CDH4: variants seen among roughly 807,000 people sequenced by gnomAD.
CDH4 encodes cadherin 4, also known as cadherin-4.
Under a neutral mutation model 86.0 loss-of-function variants are expected in CDH4, and 33 were observed. The ratio of observed to expected loss-of-function variants is 0.38; its 90% CI spans 0.29 to 0.51. The LOEUF is 0.51. Ranked by LOEUF, CDH4 falls within the 20% of genes least tolerant of loss-of-function variation. CDH4 has a pLI of 0.86. For missense variants in CDH4, 1,114 were observed against 1,307.4 expected (o/e 0.85, Z 2.28); for synonymous variants, 555 against 549.4 (o/e 1.01, Z -0.14).
chr20:61,484,108 G>A (rs1446370347), intron 2 of CDH4, among the ~76,000 whole-genome samples: 1 of 151,976 alleles, frequency 6.6e-6, no homozygotes, highest in Non-Finnish European at 1.5e-5. Context: ...AGTTGGCCAG[G>A]CTTCAGCAGA....
chr20:61,732,034 C>T (rs1316187330), intron 2 of CDH4, among the ~76,000 whole-genome samples: 1 of 152,236 alleles, frequency 6.6e-6, no homozygotes, highest in East Asian at 1.9e-4. Context: ...TCTGTCCTCT[C>T]TCTCCCTCCT....
intron 2 of CDH4, among the ~76,000 whole-genome samples, chr20:61,334,249 C>T (rs552139676): frequency 6.6e-6 from 1 of 152,330 alleles, no homozygotes; most frequent in African/African-American, 2.4e-5. Flanking sequence ...TGAAATGAGG[C>T]TCATGGAGTA....
chr20:61,346,047 T>C (rs1263133390), intron 2 of CDH4, among the ~76,000 whole-genome samples: 1 of 152,212 alleles, frequency 6.6e-6, no homozygotes, highest in Non-Finnish European at 1.5e-5. Context: ...GTGAGCAGAA[T>C]AAATGCTCAC....
rs1348752049 is a variant in CDH4, at chr20:61,684,109, G to A, written c.170-59454G>A. Among the ~76,000 whole-genome samples the A allele has an allele frequency of 2.0e-5, 3 of 152,346 alleles. No homozygotes were observed. Among genetic ancestry groups the A allele is most frequent in the East Asian group, 3.9e-4 (2 of 5,188 alleles). On this transcript the variant is annotated intron_variant, in intron 2 of 15. Coordinates refer to ENST00000614565, the MANE Select transcript of CDH4 (RefSeq NM_001794.5). The surrounding 1 kb of genome is among the most constrained non-coding windows in gnomAD (Gnocchi z 4.5). Reference sequence around the variant, plus strand: ...AACAGGGTTGGCTGATACCTACTGTGTAGCAGGGATTGCAGTGGCATCGGA... The same window carrying A: ...AACAGGGTTGGCTGATACCTACTGTATAGCAGGGATTGCAGTGGCATCGGA...
At chr20:61,362,384 G>T (rs1323162422) in intron 2 of CDH4, among the ~76,000 whole-genome samples, 1 of 151,854 alleles carries the variant, frequency 6.6e-6, no homozygotes, top group African/African-American at 2.4e-5. Flanking sequence ...GCAGGGCAGA[G>T]ATGTGGCCTA....
intron 2 of CDH4, among the ~76,000 whole-genome samples, chr20:61,385,382 T>A (rs897990699): frequency 6.6e-6 from 1 of 151,972 alleles, no homozygotes; most frequent in African/African-American, 2.4e-5. Context: ...AGATGAACGC[T>A]CAGATCAGGA....
chr20:61,583,646 T>C (rs757928405), intron 2 of CDH4, among the ~76,000 whole-genome samples: 20 of 152,192 alleles, frequency 1.3e-4, no homozygotes, highest in Admixed American at 6.5e-5. Context: ...CTGATCTCTC[T>C]CCACTTTCCT....
chr20:61,465,296 AT>A (rs1012716171), intron 2 of CDH4, among the ~76,000 whole-genome samples: 86 of 152,270 alleles, frequency 5.6e-4, no homozygotes, highest in African/African-American at 2.0e-3. Context: ...GGAATTATGC[AT>A]TTTAAAAAAA....
chr20:61,857,797 GC>G (rs1402079696), intron 6 of CDH4, among the ~76,000 whole-genome samples: 19 of 152,398 alleles, frequency 1.2e-4, no homozygotes, highest in African/African-American at 4.6e-4. Flanking sequence ...GAACCGCAGT[GC>G]AGGTCACAGC....
rs2087867835 is a variant in CDH4 at position 61,709,570 on chromosome 20, C to T, written c.170-33993C>T. The stretch of plus-strand genomic sequence containing the variant: ...GGATTACAGGCATGAGCCACTGTGC[C>T]TGGCAATTTTTGAATGACAATTTTT... On this transcript the variant is annotated intron_variant, in intron 2 of 15. Transcript: ENST00000614565. The surrounding 1 kb of genome is among the most constrained non-coding windows in gnomAD (Gnocchi z 4.8). Among the ~76,000 whole-genome samples the T allele has an allele frequency of 6.6e-6, 1 of 151,164 alleles. No homozygotes were observed. Among genetic ancestry groups the T allele is most frequent in the African/African-American group, 2.4e-5 (1 of 41,290 alleles).
chr20:61,662,109 C>T (rs920987944), intron 2 of CDH4, among the ~76,000 whole-genome samples: 1 of 152,172 alleles, frequency 6.6e-6, no homozygotes, highest in African/African-American at 2.4e-5. Context: ...TTCCATCCCC[C>T]ACCACAGGCA....
Position 61,547,188 on chromosome 20 carries a change from C to G in CDH4, c.170-196375C>G, listed in dbSNP as rs559632858. ...TGGATTCAGTCTCTCACATACTCAG[C>G]CCCAGAGCTCTTTTTTTTTTTTTTT... On this transcript the variant is annotated intron_variant, in intron 2 of 15. Transcript: ENST00000614565. Among the ~76,000 whole-genome samples the G allele has an allele frequency of 1.3e-4, 19 of 149,686 alleles. No individual in the cohort carries two copies. The South Asian group carries it at 3.9e-3, about 30-fold the overall frequency.
At chr20:61,707,769 C>T (rs1046477581) in intron 2 of CDH4, among the ~76,000 whole-genome samples, 1 of 152,146 alleles carries the variant, frequency 6.6e-6, no homozygotes, top group African/African-American at 2.4e-5. Flanking sequence ...GAGGAACGCG[C>T]AGCCTAGATC....
chr20:61,282,045 C>T (rs1192372423), intron 2 of CDH4, among the ~76,000 whole-genome samples: 1 of 152,196 alleles, frequency 6.6e-6, no homozygotes, highest in Non-Finnish European at 1.5e-5. Context: ...GCACGCATGG[C>T]ATATTGTGGT....
chr20:61,928,379 T>C lies in CDH4; in HGVS notation c.1961T>C (p.Val654Ala). The C allele has an allele frequency of 6.2e-7, 1 of 1,611,866 alleles. No homozygotes were observed. The highest frequency in any genetic ancestry group is 8.5e-7 in the Non-Finnish European group (1 of 1,179,988). ...IGPYVFELPF[V>A]PAAVRKNWTI... ...CCCTACGTCTTCGAGCTGCCCTTTG[T>C]CCCGGCGGCCGTGCGGAAGAACTGG... Residue 654 changes from valine (V) to alanine (A), a missense_variant, in exon 12 of 16, where the codon GTC (valine) becomes GCC (alanine). Val to Ala is a moderately conservative substitution (Grantham distance 64). Around this residue, in one of 3 missense-constraint regions of CDH4, gnomAD observed 705 missense variants for 914.1 expected, o/e 0.77. Transcript: ENST00000614565.
chr20:61,492,182 TG>T (rs1468460216), intron 2 of CDH4, among the ~76,000 whole-genome samples: 1 of 151,418 alleles, frequency 6.6e-6, no homozygotes, highest in Non-Finnish European at 1.5e-5. Context: ...TTGTTGATAT[TG>T]GTGGTGTTGA....
chr20:61,499,150 G>A (rs912541905), intron 2 of CDH4, among the ~76,000 whole-genome samples: 17 of 152,222 alleles, frequency 1.1e-4, no homozygotes, highest in African/African-American at 3.9e-4. Flanking sequence ...CTGCACTGTG[G>A]CTGTGGAGGT....
chr20:61,872,963 C>T (rs1983871195), intron 6 of CDH4, among the ~76,000 whole-genome samples: 1 of 152,046 alleles, frequency 6.6e-6, no homozygotes, highest in Admixed American at 6.5e-5. Flanking sequence ...GATGCAGGCC[C>T]TCCCCAGGGC....
chr20:61,800,971 A>T (rs1979799231), intron 4 of CDH4, among the ~76,000 whole-genome samples: 1 of 151,964 alleles, frequency 6.6e-6, no homozygotes, highest in Non-Finnish European at 1.5e-5. Flanking sequence ...CCCTCCTGGG[A>T]CCCTCCAAGC....
Sources: gnomAD v4.1 joint callset for allele counts (sites outside exome capture counted in the v4.1 genomes callset) on GRCh38, gnomAD v4.1.1 for gene constraint, gnomAD v4.1.1 regional missense constraint, Gnocchi (gnomAD v3.1) non-coding constraint, MANE v1.5 for transcripts, NCBI Gene and HGNC (gene_info 2026-07-23, HGNC 2026-07-21) for gene names.